PCDH11X: variants seen among roughly 807,000 people sequenced by gnomAD.
The protein encoded by PCDH11X is protocadherin 11 X-linked.
In PCDH11X, 18 loss-of-function variants were observed where a neutral mutation model predicts 53.3. That is an observed-to-expected ratio of 0.34 (90% CI 0.23 to 0.50). The LOEUF (loss-of-function observed/expected upper bound fraction) is 0.50, where lower values mean the gene tolerates loss of function less well. Ranked by LOEUF, PCDH11X falls within the 20% of genes least tolerant of loss-of-function variation. The pLI is 0.98. For synonymous variants in PCDH11X, 279 were observed against 393.3 expected, an observed-to-expected ratio of 0.71 and a Z score of 3.44; for missense variants, 570 against 1,032.4, an observed-to-expected ratio of 0.55 and a Z score of 6.14.
chrX:91,788,326 G>T (rs1340712432), intron 1 of PCDH11X, among the ~76,000 whole-genome samples: 1 of 111,402 alleles, frequency 9.0e-6, no homozygotes, highest in African/African-American at 3.3e-5. Flanking sequence ...CCTGTATTGT[G>T]CATATTATGT....
intron 6 of PCDH11X, among the ~76,000 whole-genome samples, chrX:91,908,804 CAAA>C (rs202059670): frequency 3.5e-4 from 28 of 79,585 alleles, no homozygotes; most frequent in East Asian, 7.6e-4. Flanking sequence ...GACTCTGTCT[CAAA>C]AAAAAAAAAA....
chrX:92,580,618 G>A (rs1238106224), intron 10 of PCDH11X, among the ~76,000 whole-genome samples: 1 of 111,113 alleles, frequency 9.0e-6, no homozygotes, highest in Non-Finnish European at 1.9e-5. Flanking sequence ...TACTGAAGCT[G>A]CAGTGATGGC....
At chrX:92,356,219 A>G (rs745695359) in intron 8 of PCDH11X, among the ~76,000 whole-genome samples, 2 of 111,910 alleles carry the variant, frequency 1.8e-5, no homozygotes, top group Non-Finnish European at 3.8e-5. Context: ...AAGAAACTGC[A>G]AGTTATATTA....
At chrX:91,950,570 G>GAT (rs1178800371) in intron 6 of PCDH11X, among the ~76,000 whole-genome samples, 10 of 97,775 alleles carry the variant, frequency 1.0e-4, no homozygotes, top group East Asian at 3.2e-4. Flanking sequence ...AAATGTGATT[G>GAT]ATATATATAT....
chrX:91,811,602 T>C (rs1212722883), intron 4 of PCDH11X, among the ~76,000 whole-genome samples: 1 of 111,151 alleles, frequency 9.0e-6, no homozygotes, highest in African/African-American at 3.3e-5. Flanking sequence ...ATTGACAATT[T>C]CTAAAGAATT....
intron 7 of PCDH11X, among the ~76,000 whole-genome samples, chrX:92,261,151 A>G (rs2067707477): frequency 9.1e-6 from 1 of 110,009 alleles, no homozygotes; most frequent in South Asian, 3.9e-4. Flanking sequence ...ATATTTCTGT[A>G]CTTTCTTTTT....
At position 92,086,417 on chromosome X, in the gene PCDH11X, A is replaced by G. The variant is rs187175009; in HGVS notation, c.3034-114958A>G. On this transcript the variant is annotated intron_variant, in intron 6 of 10. Coordinates refer to ENST00000682573, the MANE Select transcript of PCDH11X (RefSeq NM_032968.5). The stretch of plus-strand genomic sequence containing the variant: ...GTTAAATCCAGAACATTGACCCTTA[A>G]TTAGAGACTCCACTTCTCCTCACGT... 1.8e-3 allele frequency among the ~76,000 whole-genome samples: 201 copies of G among 111,213 alleles called. 2 individuals carry two copies. The highest frequency in any genetic ancestry group is 6.1e-3 in the African/African-American group (188 of 30,728).
chrX:91,817,106 C>T (rs762321195), intron 4 of PCDH11X, among the ~76,000 whole-genome samples: 1 of 111,197 alleles, frequency 9.0e-6, no homozygotes, highest in Non-Finnish European at 1.9e-5. Context: ...ATTTTTATGT[C>T]TCAGATACAG....
chrX:92,054,100 C>T (rs1467853563), intron 6 of PCDH11X, among the ~76,000 whole-genome samples: 1 of 111,747 alleles, frequency 8.9e-6, no homozygotes, highest in Non-Finnish European at 1.9e-5. Context: ...ACTGAAGATA[C>T]TAACATTTCA....
chrX:92,028,726 T>A (rs1356846523), intron 6 of PCDH11X, among the ~76,000 whole-genome samples: 1 of 96,192 alleles, frequency 1.0e-5, no homozygotes, highest in Admixed American at 1.2e-4. Flanking sequence ...TATAAGTGAT[T>A]ATCACATTTC....
At chrX:91,994,380 C>T (rs774052076) in intron 6 of PCDH11X, among the ~76,000 whole-genome samples, 2 of 110,115 alleles carry the variant, frequency 1.8e-5, no homozygotes, top group South Asian at 7.9e-4. Context: ...TTAGATTTCA[C>T]GCTAAGAGAA....
At chrX:91,913,449 T>C (rs1941446652) in intron 6 of PCDH11X, among the ~76,000 whole-genome samples, 1 of 111,105 alleles carries the variant, frequency 9.0e-6, no homozygotes, top group Non-Finnish European at 1.9e-5. Context: ...CCCACTTCCC[T>C]GGTGAGCTAT....
chrX:92,523,767 G>A (rs1603355980), intron 10 of PCDH11X, among the ~76,000 whole-genome samples: 1 of 111,613 alleles, frequency 9.0e-6, no homozygotes, highest in East Asian at 2.8e-4. Flanking sequence ...CTGGTAGTTC[G>A]CATTGTCATG....
intron 9 of PCDH11X, among the ~76,000 whole-genome samples, chrX:92,421,325 A>G (rs1226406462): frequency 1.2e-5 from 1 of 85,768 alleles, no homozygotes; most frequent in African/African-American, 5.3e-5. Context: ...ATATGTACTC[A>G]AAGTTTAGCT....
At chrX:92,499,844 AGAAT>A (rs1157126341) in intron 10 of PCDH11X, among the ~76,000 whole-genome samples, 1 of 106,860 alleles carries the variant, frequency 9.4e-6, no homozygotes, top group African/African-American at 3.4e-5. Flanking sequence ...AAAAAAAGAA[AGAAT>A]GAATGAAAGA....
intron 8 of PCDH11X, among the ~76,000 whole-genome samples, chrX:92,295,270 T>C (rs2068582965): frequency 9.0e-6 from 1 of 110,542 alleles, no homozygotes; most frequent in African/African-American, 3.3e-5. Flanking sequence ...GTTATTTATA[T>C]TGGTCATGTC....
chrX:92,054,490 CAGA>C (rs1196799533), intron 6 of PCDH11X, among the ~76,000 whole-genome samples: 1 of 111,225 alleles, frequency 9.0e-6, no homozygotes, highest in Non-Finnish European at 1.9e-5. Context: ...GCTTCTTCAC[CAGA>C]AGTTCAAGGA....
chrX:92,276,916 GA>G (rs1185458752), intron 8 of PCDH11X, among the ~76,000 whole-genome samples: 1 of 111,365 alleles, frequency 9.0e-6, no homozygotes, highest in Non-Finnish European at 1.9e-5. Context: ...GGGATAAAGA[GA>G]AAGGAGCATT....
chrX:92,599,988 T>G lies in PCDH11X; in HGVS notation c.3368-18276T>G, dbSNP rs778978582. ...TGAACATGAGAGAGATGATTTAGGG[T>G]ATCTGGCAGAATAAATTTCTAAGCA... On this transcript the variant is annotated intron_variant, in intron 10 of 10. Transcript: ENST00000682573. 2.7e-5 allele frequency among the ~76,000 whole-genome samples: 3 copies of G among 109,952 alleles called. No individual in the cohort carries two copies. The Admixed American group carries it at 2.9e-4, about 11-fold the overall frequency.
Sources: allele counts gnomAD v4.1 joint callset (sites outside exome capture counted in the v4.1 genomes callset), GRCh38; gene constraint gnomAD v4.1.1; transcripts MANE v1.5; gene names NCBI Gene and HGNC (gene_info 2026-07-23, HGNC 2026-07-21).